Variants in MTMR12 observed in about 807,000 individuals in gnomAD.
MTMR12 encodes myotubularin-related protein 12.
A neutral mutation model predicts 96.7 loss-of-function variants in MTMR12; 33 were observed. That is an observed-to-expected ratio of 0.34 (90% CI 0.26 to 0.46). The LOEUF is 0.46. Ranked by LOEUF, MTMR12 falls within the 20% of genes least tolerant of loss-of-function variation. The pLI is 1.00. For synonymous variants in MTMR12, 298 were observed against 327.2 expected, an observed-to-expected ratio of 0.91 and a Z score of 0.96; for missense variants, 721 against 896.1, an observed-to-expected ratio of 0.80 and a Z score of 2.49.
intron 4 of MTMR12, 47 bp downstream of exon 4, chr5:32,271,786 T>C (rs372158816): frequency 8.7e-7 from 1 of 1,149,978 alleles, no homozygotes; most frequent in Non-Finnish European, 1.2e-6. Flanking sequence ...CATTATCACC[T>C]ATACTCTCAA....
In MTMR12 at chr5:32,255,687, A is replaced by G; in HGVS notation, c.789+6T>C. ...CACACCTTTCAGGGTTCCCAGATGC[A>G]CTTACTGGTATGCCATGACCCTGAA... On this transcript the variant is annotated splice_donor_region_variant and intron_variant, in intron 8 of 15. Transcript: ENST00000382142. 1 of 1,607,346 alleles carries G rather than the reference A, an allele frequency of 6.2e-7. No homozygotes were observed. Among genetic ancestry groups the G allele is most frequent in the Non-Finnish European group, 8.5e-7 (1 of 1,176,588 alleles).
At chr5:32,243,156 C>T (rs1181721836) in intron 11 of MTMR12, among the ~76,000 whole-genome samples, 1 of 152,138 alleles carries the variant, frequency 6.6e-6, no homozygotes, top group Non-Finnish European at 1.5e-5. Context: ...ATAATATATG[C>T]GTAAGACACA....
At chr5:32,283,206 ATC>A in intron 1 of MTMR12, among the ~76,000 whole-genome samples, 1 of 152,174 alleles carries the variant, frequency 6.6e-6, no homozygotes, top group Non-Finnish European at 1.5e-5. Flanking sequence ...AGTAAATATA[ATC>A]TCTTTCTTAG....
chr5:32,294,639 T>C (rs1441837711), intron 1 of MTMR12, among the ~76,000 whole-genome samples: 4 of 152,140 alleles, frequency 2.6e-5, no homozygotes, highest in Non-Finnish European at 4.4e-5. Context: ...AAGAGTCTCT[T>C]ACCTTGTCTG....
chr5:32,244,217 T>C (rs529800301), intron 10 of MTMR12, among the ~76,000 whole-genome samples: 7 of 150,976 alleles, frequency 4.6e-5, no homozygotes, highest in Non-Finnish European at 8.8e-5. Flanking sequence ...AGTTTGAGGC[T>C]GCAGTGAGCT....
chr5:32,240,101 A>C (rs1206014139), intron 12 of MTMR12, among the ~76,000 whole-genome samples: 1 of 152,088 alleles, frequency 6.6e-6, no homozygotes, highest in Non-Finnish European at 1.5e-5. Context: ...TGTTAGAGAA[A>C]CTTAAGAATG....
intron 7 of MTMR12, among the ~76,000 whole-genome samples, chr5:32,261,322 A>C (rs1749354035): frequency 2.7e-5 from 4 of 148,338 alleles, no homozygotes; most frequent in African/African-American, 5.0e-5. Context: ...ATCATCTCCC[A>C]CTCCTCTCCC....
chr5:32,243,268 T>C (rs532388236), intron 11 of MTMR12, among the ~76,000 whole-genome samples: 1 of 152,236 alleles, frequency 6.6e-6, no homozygotes, highest in South Asian at 2.1e-4. Context: ...TAATTCTGGG[T>C]TGTCACACTC....
At position 32,282,210 on chromosome 5, in the gene MTMR12, G is replaced by A. The variant is rs941984886; in HGVS notation, c.82-5468C>T. ...ATCCTGGCTAACATGGTGAAACCCCGTCTCTACTAAAAATACAAAAAATTA... is the reference window on the plus strand; with the variant it reads ...ATCCTGGCTAACATGGTGAAACCCCATCTCTACTAAAAATACAAAAAATTA... On this transcript the variant is annotated intron_variant, in intron 1 of 15. Transcript: ENST00000382142. Among the ~76,000 whole-genome samples, 19 of 151,852 alleles carry A rather than the reference G, an allele frequency of 1.3e-4. 1 individual carries two copies. In the East Asian group the frequency reaches 2.9e-3, roughly 23 times the overall value.
chr5:32,274,223 C>T, intron 2 of MTMR12, 101 bp from the exon 3 acceptor site: 2 of 1,335,334 alleles, frequency 1.5e-6, no homozygotes, highest in East Asian at 4.6e-5. Flanking sequence ...GACAAACATA[C>T]AATACAACAC....
chr5:32,275,401 A>G (rs1033290573), intron 2 of MTMR12, among the ~76,000 whole-genome samples: 2 of 152,180 alleles, frequency 1.3e-5, no homozygotes, highest in African/African-American at 4.8e-5. Context: ...TCACCTCCCA[A>G]TACTTTTAAT....
At chr5:32,294,909 G>T (rs531071885) in intron 1 of MTMR12, among the ~76,000 whole-genome samples, 1 of 152,254 alleles carries the variant, frequency 6.6e-6, no homozygotes. Flanking sequence ...AAGTATCACC[G>T]AACTATTGTC....
intron 1 of MTMR12, among the ~76,000 whole-genome samples, chr5:32,299,788 CAT>C (rs1469559735): frequency 9.2e-5 from 14 of 152,342 alleles, no homozygotes; most frequent in Admixed American, 2.0e-4. Flanking sequence ...CACCATCACA[CAT>C]GTGTGCACAC....
In MTMR12 at chr5:32,258,051, CA is replaced by C. The variant is rs1445957770; in HGVS notation, c.714-2284del. Reference sequence around the variant, plus strand: ...CTGAGGTGGAAGAATCGCTTGAGCCCAGGGGGTAGAGGTTGCAGTGAGCAGA... The same window carrying C: ...CTGAGGTGGAAGAATCGCTTGAGCCCGGGGGTAGAGGTTGCAGTGAGCAGA... On this transcript the variant is annotated intron_variant, in intron 7 of 15. Coordinates refer to ENST00000382142, the MANE Select transcript of MTMR12 (RefSeq NM_001040446.3). 1.2e-4 allele frequency among the ~76,000 whole-genome samples: 18 copies of C among 151,960 alleles called. 1 individual carries two copies. Among genetic ancestry groups the C allele is most frequent in the Non-Finnish European group, 1.5e-5 (1 of 68,002 alleles).
At chr5:32,300,155 A>C (rs1751084848) in intron 1 of MTMR12, among the ~76,000 whole-genome samples, 1 of 152,208 alleles carries the variant, frequency 6.6e-6, no homozygotes, top group Non-Finnish European at 1.5e-5. Context: ...TGCTTAGCAA[A>C]TGGTAGATAC....
chr5:32,262,838 CATATG>C (rs1561770743), intron 7 of MTMR12, among the ~76,000 whole-genome samples: 1 of 152,092 alleles, frequency 6.6e-6, no homozygotes, highest in African/African-American at 2.4e-5. Context: ...TAAAAGATCA[CATATG>C]ATATGATTCC....
chr5:32,244,947 T>G (rs1013528637), intron 10 of MTMR12, among the ~76,000 whole-genome samples: 2 of 152,166 alleles, frequency 1.3e-5, no homozygotes, highest in African/African-American at 4.8e-5. Context: ...TCTAAAGAAC[T>G]GAGGGTCCTG....
intron 3 of MTMR12, among the ~76,000 whole-genome samples, chr5:32,273,332 C>T (rs550464003): frequency 6.1e-4 from 93 of 152,090 alleles, no homozygotes; most frequent in Non-Finnish European, 1.2e-3. Context: ...GCCACGACTA[C>T]GCCACAGCAC....
chr5:32,241,884 A>G (rs1053443991), intron 12 of MTMR12, among the ~76,000 whole-genome samples, 173 bp downstream of exon 12: 1 of 152,236 alleles, frequency 6.6e-6, no homozygotes, highest in Non-Finnish European at 1.5e-5. Context: ...TTTGTTTTAA[A>G]CTCTAACACT....
Sources: gnomAD v4.1 joint callset for allele counts (sites outside exome capture counted in the v4.1 genomes callset) on GRCh38, gnomAD v4.1.1 for gene constraint, MANE v1.5 for transcripts, NCBI Gene and HGNC (gene_info 2026-07-23, HGNC 2026-07-21) for gene names.